MYO9A: variants seen among roughly 807,000 people sequenced by gnomAD.
MYO9A encodes myosin IXA, also known as unconventional myosin-IXa.
MYO9A carries 103 observed loss-of-function variants against 293.3 expected under a neutral mutation model. That is an observed-to-expected ratio of 0.35 (90% CI 0.30 to 0.41). The LOEUF is 0.41. Ranked by LOEUF, MYO9A falls within the 10% of genes least tolerant of loss-of-function variation. MYO9A has a pLI of 1.00. For missense variants in MYO9A, 2,685 were observed against 3,033.0 expected (o/e 0.89, Z 2.69); for synonymous variants, 1,001 against 1,035.7 (o/e 0.97, Z 0.64).
intron 11 of MYO9A, among the ~76,000 whole-genome samples, chr15:71,980,526 G>A (rs1216034599): frequency 2.6e-5 from 4 of 152,046 alleles, no homozygotes; most frequent in Non-Finnish European, 4.4e-5. Context: ...CTTGTATGAC[G>A]TGCTTGTATT....
At chr15:71,969,048 C>A (rs558291479) in intron 12 of MYO9A, among the ~76,000 whole-genome samples, 1 of 152,148 alleles carries the variant, frequency 6.6e-6, no homozygotes, top group African/African-American at 2.4e-5. Flanking sequence ...GTTTACATTA[C>A]GCATTCTATC....
At chr15:71,873,641 A>G (rs941446639) in intron 32 of MYO9A, among the ~76,000 whole-genome samples, 6 of 152,218 alleles carry the variant, frequency 3.9e-5, no homozygotes, top group Non-Finnish European at 8.8e-5. Context: ...TGATGGAAAA[A>G]GTAGAAAATC....
intron 36 of MYO9A, among the ~76,000 whole-genome samples, chr15:71,851,564 C>T (rs977219905): frequency 3.3e-5 from 5 of 152,158 alleles, no homozygotes; most frequent in African/African-American, 1.2e-4. Flanking sequence ...TAGTTTGAAC[C>T]TATATCACAG....
intron 1 of MYO9A, among the ~76,000 whole-genome samples, chr15:72,049,344 T>G (rs1398872537): frequency 6.6e-6 from 1 of 152,350 alleles, no homozygotes; most frequent in Non-Finnish European, 1.5e-5. Context: ...GCAATAACAG[T>G]GAGGATATAC....
chr15:71,967,802 T>C (rs1482753222), intron 13 of MYO9A, among the ~76,000 whole-genome samples, 182 bp downstream of exon 13: 4 of 152,172 alleles, frequency 2.6e-5, no homozygotes, highest in African/African-American at 9.7e-5. Context: ...AACAGAAACA[T>C]TACCTTACCT....
intron 1 of MYO9A, among the ~76,000 whole-genome samples, chr15:72,106,511 A>G (rs1188417893): frequency 6.6e-6 from 1 of 152,178 alleles, no homozygotes; most frequent in African/African-American, 2.4e-5. Flanking sequence ...CTCTAAAAAC[A>G]TTTAAGAAAA....
chr15:71,927,531 T>G (rs1317221669), intron 18 of MYO9A, among the ~76,000 whole-genome samples: 1 of 152,142 alleles, frequency 6.6e-6, no homozygotes, highest in Non-Finnish European at 1.5e-5. Context: ...TAACAAAATA[T>G]GTACATACTC....
At chr15:71,952,470 T>C (rs76222694) in intron 14 of MYO9A, among the ~76,000 whole-genome samples, 2,071 of 152,290 alleles carry the variant, frequency 0.014, 22 homozygotes, top group East Asian at 0.024. Context: ...CTGTACCTCA[T>C]TATCACTTCT....
intron 11 of MYO9A, among the ~76,000 whole-genome samples, chr15:71,985,069 G>A (rs1206731927): frequency 1.3e-5 from 2 of 152,094 alleles, no homozygotes; most frequent in African/African-American, 4.8e-5. Context: ...ACAGGCATGT[G>A]CCACCAAGCC....
chr15:72,051,114 G>T (rs2078547762), intron 1 of MYO9A, among the ~76,000 whole-genome samples: 1 of 152,120 alleles, frequency 6.6e-6, no homozygotes, highest in East Asian at 1.9e-4. Context: ...ATGCAGGCTG[G>T]AGTACAATGG....
In MYO9A at chr15:71,904,003, G is replaced by A; in HGVS notation, c.2803C>T (p.Gln935Ter). ...LRFSDVLVLR[Q>*]LRYTGMLETV... ...TCCAGCATCCCGGTGTATCGAAGCT[G>A]TCTAAGTACCAAGACATCACTGAAC... The change falls in exon 21 of 42, where the codon CAG becomes TAG. Residue 935 changes from glutamine (Q) to a stop codon, truncating the protein, a stop_gained. Coordinates refer to ENST00000356056, the MANE Select transcript of MYO9A (RefSeq NM_006901.4). LOFTEE classifies it high-confidence loss of function. The A allele has an allele frequency of 6.2e-7, 1 of 1,614,034 alleles. No individual in the cohort carries two copies.
intron 39 of MYO9A, among the ~76,000 whole-genome samples, chr15:71,831,465 G>A (rs1165464265): frequency 6.6e-6 from 1 of 152,176 alleles, no homozygotes; most frequent in Non-Finnish European, 1.5e-5. Context: ...CCACTCAATG[G>A]TGTGGGTTGC....
intron 24 of MYO9A, among the ~76,000 whole-genome samples, chr15:71,899,382 G>A (rs2057419591): frequency 6.6e-6 from 1 of 152,158 alleles, no homozygotes; most frequent in Non-Finnish European, 1.5e-5. Flanking sequence ...TGAAATTAAA[G>A]TTTCTGAAAG....
intron 13 of MYO9A, among the ~76,000 whole-genome samples, chr15:71,961,572 T>C (rs1337848928): frequency 6.6e-6 from 1 of 152,202 alleles, no homozygotes; most frequent in Non-Finnish European, 1.5e-5. Flanking sequence ...ATTTTATAGA[T>C]GAGAAAACTG....
In MYO9A at chr15:71,875,852, A is replaced by G. The variant is rs1596082890; in HGVS notation, c.5932-14T>C. 1 of 1,347,006 alleles carries G rather than the reference A, an allele frequency of 7.4e-7. No individual in the cohort carries two copies. Among genetic ancestry groups the G allele is most frequent in the Non-Finnish European group, 9.6e-7 (1 of 1,037,460 alleles). 83.4% of individuals were successfully genotyped at this position (1,347,006 alleles called of 1,614,324 possible). A position where few individuals can be genotyped will look rare whatever the true frequency, so the allele number is the denominator to read the frequency against. On this transcript the variant is annotated splice_polypyrimidine_tract_variant and intron_variant, in intron 31 of 41. Coordinates refer to ENST00000356056, the MANE Select transcript of MYO9A (RefSeq NM_006901.4). ...TGTTTTTGGCACCTGACAGGGGGAC[A>G]GGAGATATATGGAAATTGTGATAAC...
chr15:71,859,380 T>G (rs1473813410), intron 34 of MYO9A, among the ~76,000 whole-genome samples: 1 of 152,234 alleles, frequency 6.6e-6, no homozygotes, highest in Non-Finnish European at 1.5e-5. Flanking sequence ...TTAAATTTGT[T>G]CATCTTTAAT....
At chr15:71,895,132 C>G (rs1319005811) in intron 25 of MYO9A, among the ~76,000 whole-genome samples, 3 of 152,174 alleles carry the variant, frequency 2.0e-5, no homozygotes, top group African/African-American at 4.8e-5. Context: ...AGAGATCTCC[C>G]TTTTTGAGCA....
chr15:71,850,938 A>G (rs894206421), intron 37 of MYO9A, among the ~76,000 whole-genome samples: 2 of 152,030 alleles, frequency 1.3e-5, no homozygotes, highest in African/African-American at 4.8e-5. Flanking sequence ...AACCCCTCAT[A>G]TGAATTAGGT....
intron 1 of MYO9A, among the ~76,000 whole-genome samples, chr15:72,085,209 A>G (rs1008924483): frequency 2.6e-5 from 4 of 152,098 alleles, no homozygotes; most frequent in African/African-American, 9.7e-5. Context: ...CCTGGCCAAC[A>G]TGGTAAAGCC....
Sources: allele counts gnomAD v4.1 joint callset (sites outside exome capture counted in the v4.1 genomes callset), GRCh38; gene constraint gnomAD v4.1.1; transcripts MANE v1.5; gene names NCBI Gene and HGNC (gene_info 2026-07-23, HGNC 2026-07-21).